The following TRPM3 variants were observed in gnomAD, a reference collection of about 807,000 sequenced individuals.
TRPM3 encodes transient receptor potential cation channel subfamily M member 3.
Under a neutral mutation model 181.2 loss-of-function variants are expected in TRPM3, and 77 were observed. The observed-to-expected ratio is 0.42, with a 90% CI of 0.35 to 0.51. The LOEUF (loss-of-function observed/expected upper bound fraction) is 0.51. Ranked by LOEUF, TRPM3 falls within the 20% of genes least tolerant of loss-of-function variation. TRPM3 has a pLI of 0.01. For missense variants in TRPM3, 1,759 were observed against 2,196.7 expected (o/e 0.80, Z 3.98); for synonymous variants, 745 against 796.4 (o/e 0.94, Z 1.09).
At chr9:70,852,841 T>C (rs1384297546) in intron 3 of TRPM3, among the ~76,000 whole-genome samples, 1 of 152,202 alleles carries the variant, frequency 6.6e-6, no homozygotes, top group African/African-American at 2.4e-5. Context: ...TCCCCTTTCA[T>C]CTACAGAAAG....
At chr9:71,134,343 T>C (rs2074620707) in intron 1 of TRPM3, among the ~76,000 whole-genome samples, 1 of 151,568 alleles carries the variant, frequency 6.6e-6, no homozygotes, top group Admixed American at 6.6e-5. Flanking sequence ...GGGGGGAGGA[T>C]CATGAAGTCA....
intron 6 of TRPM3, among the ~76,000 whole-genome samples, chr9:70,788,135 T>C (rs972588221): frequency 6.8e-5 from 10 of 147,768 alleles, no homozygotes; most frequent in Non-Finnish European, 1.3e-4. Context: ...TAGCATTAGG[T>C]ATATCTCCCA....
chr9:70,628,008 T>C lies in TRPM3; in HGVS notation c.1633-2491A>G, dbSNP rs559437329. On this transcript the variant is annotated intron_variant, in intron 12 of 25. Transcript: ENST00000677713. ...AGGGAGCTCAGAGAAAGTTTTAAGA[T>C]AGTAACTTTTCATGTATTAGCCTTC... is the stretch of plus-strand genomic sequence containing the variant. Among the ~76,000 whole-genome samples the C allele has an allele frequency of 4.5e-4, 68 of 152,350 alleles. 1 individual carries two copies. The highest frequency in any genetic ancestry group is 9.0e-4 in the Non-Finnish European group (61 of 68,028).
chr9:70,763,961 G>A (rs1386741852), intron 7 of TRPM3, among the ~76,000 whole-genome samples: 1 of 152,122 alleles, frequency 6.6e-6, no homozygotes, highest in Non-Finnish European at 1.5e-5. Context: ...AACAGCAGAC[G>A]AAATGGCATG....
chr9:70,870,324 A>C (rs1236117055), intron 1 of TRPM3, among the ~76,000 whole-genome samples: 1 of 152,068 alleles, frequency 6.6e-6, no homozygotes, highest in African/African-American at 2.4e-5. Context: ...CCCCAGAGAA[A>C]GAAACAATAA....
chr9:71,107,269 A>C (rs966469349), intron 1 of TRPM3, among the ~76,000 whole-genome samples: 1 of 152,128 alleles, frequency 6.6e-6, no homozygotes, highest in Non-Finnish European at 1.5e-5. Context: ...AATAATCTCT[A>C]GCATGCGTCC....
intron 1 of TRPM3, among the ~76,000 whole-genome samples, chr9:70,875,777 G>A (rs2095859136): frequency 6.6e-6 from 1 of 151,818 alleles, no homozygotes; most frequent in Admixed American, 6.6e-5. Context: ...TTTAACTGGA[G>A]GAACTGATAA....
rs1289850001 is a variant in TRPM3 at position 70,843,057 on chromosome 9, T to G, written c.747A>C (p.Ile249=). The G allele has an allele frequency of 6.8e-6, 11 of 1,613,734 alleles. No individual in the cohort carries two copies. The highest frequency in any genetic ancestry group is 9.3e-6 in the Non-Finnish European group (11 of 1,179,870). Residue 249 remains isoleucine, a synonymous_variant, in exon 5 of 26, where the codon ATA becomes ATC. Transcript: ENST00000677713. ...ASKSRGKICT[I]GIAPWGIVEN... Reference sequence around the variant, plus strand: ...CCACAATTCCCCAGGGGGCAATACCTATGGTGCATATCTTTCCTCGAGACT... The same window carrying G: ...CCACAATTCCCCAGGGGGCAATACCGATGGTGCATATCTTTCCTCGAGACT...
intron 1 of TRPM3, among the ~76,000 whole-genome samples, chr9:71,199,868 T>C (rs1224396759): frequency 6.6e-6 from 1 of 152,044 alleles, no homozygotes; most frequent in Non-Finnish European, 1.5e-5. Flanking sequence ...GTGTCTCTAT[T>C]TCCTTCAGTT....
intron 1 of TRPM3, among the ~76,000 whole-genome samples, chr9:71,174,477 G>T (rs2077011815): frequency 6.6e-6 from 1 of 152,118 alleles, no homozygotes; most frequent in Admixed American, 6.6e-5. Flanking sequence ...GGAGGTGGAG[G>T]TTGCAGTGAG....
At chr9:70,681,156 G>T (rs1283226084) in intron 9 of TRPM3, among the ~76,000 whole-genome samples, 1 of 151,910 alleles carries the variant, frequency 6.6e-6, no homozygotes, top group East Asian at 1.9e-4. Flanking sequence ...TCACACATAT[G>T]CCATATCAAA....
chr9:71,268,157 G>A (rs1003065549), intron 1 of TRPM3, among the ~76,000 whole-genome samples: 2 of 152,032 alleles, frequency 1.3e-5, no homozygotes, highest in Non-Finnish European at 2.9e-5. Context: ...GAAGCAGTTG[G>A]ACCACATGAG....
chr9:71,336,062 T>C (rs1281867969), intron 1 of TRPM3, among the ~76,000 whole-genome samples: 2 of 152,208 alleles, frequency 1.3e-5, no homozygotes, highest in East Asian at 1.9e-4. Context: ...TCAGTGTCTT[T>C]TGGCAAGCTA....
chr9:70,689,399 T>C (rs1459555099), intron 8 of TRPM3, among the ~76,000 whole-genome samples: 1 of 151,628 alleles, frequency 6.6e-6, no homozygotes, highest in East Asian at 1.9e-4. Context: ...GGAAAGGCAA[T>C]AGAAGGGCAC....
At chr9:70,919,767 A>G (rs2096636433) in intron 1 of TRPM3, among the ~76,000 whole-genome samples, 1 of 149,668 alleles carries the variant, frequency 6.7e-6, no homozygotes, top group Non-Finnish European at 1.5e-5. Flanking sequence ...CTGGGTGACA[A>G]GAGTGAAACT....
chr9:71,259,668 G>A (rs1374399658), intron 1 of TRPM3, among the ~76,000 whole-genome samples: 1 of 151,676 alleles, frequency 6.6e-6, no homozygotes, highest in Admixed American at 6.6e-5. Flanking sequence ...TTTTTTGCAT[G>A]TTTGTTGGCC....
At position 71,395,425 on chromosome 9, in the gene TRPM3, C is replaced by T. The variant is rs1367496552; in HGVS notation, c.183+51228G>A. On this transcript the variant is annotated intron_variant, in intron 1 of 24. Transcript: ENST00000357533. ...TAGTTTCTTATTGAACCACAGTACA[C>T]TACATAGGAAAAGGTCTGATAGTAC... Among the ~76,000 whole-genome samples, 5 of 152,158 alleles carry T rather than the reference C, an allele frequency of 3.3e-5. No homozygotes were observed. In the East Asian group the frequency reaches 9.6e-4, roughly 29 times the overall value.
intron 11 of TRPM3, among the ~76,000 whole-genome samples, chr9:70,636,465 C>T (rs2057213953): frequency 6.6e-6 from 1 of 152,084 alleles, no homozygotes; most frequent in African/African-American, 2.4e-5. Flanking sequence ...AATAAGTTGC[C>T]ATTCTATTGT....
intron 6 of TRPM3, among the ~76,000 whole-genome samples, chr9:70,823,231 T>C (rs1201268547): frequency 1.3e-5 from 2 of 152,194 alleles, no homozygotes; most frequent in Non-Finnish European, 2.9e-5. Context: ...ATCTCTCACC[T>C]GCATTATTGC....
Sources: gnomAD v4.1 joint callset for allele counts (sites outside exome capture counted in the v4.1 genomes callset) on GRCh38, gnomAD v4.1.1 for gene constraint, MANE v1.5 for transcripts, NCBI Gene and HGNC (gene_info 2026-07-23, HGNC 2026-07-21) for gene names.